The following LPP variants were observed in gnomAD, a reference collection of about 807,000 sequenced individuals.
LPP encodes LIM domain containing preferred translocation partner in lipoma, also known as lipoma-preferred partner.
A neutral mutation model predicts 60.4 loss-of-function variants in LPP; 38 were observed. The observed-to-expected ratio is 0.63, with a 90% confidence interval of 0.49 to 0.83. The LOEUF is 0.83. Among genes scored for constraint, LPP ranks in the 40% least tolerant of loss-of-function variants. The pLI is 0.00. For synonymous variants in LPP, 328 were observed against 290.8 expected (o/e 1.13, Z -1.30); for missense variants, 902 against 783.6 (o/e 1.15, Z -1.80).
chr3:188,240,777 A>G lies in LPP; in HGVS notation c.-67+15250A>G, dbSNP rs1724269809. Among the ~76,000 whole-genome samples, 3 of 152,248 alleles carry G rather than the reference A, an allele frequency of 2.0e-5. No individual in the cohort carries two copies. In the East Asian group the frequency reaches 5.8e-4, roughly 30 times the overall value. ...CATGGCAAGGGAGGGGCGAGCTCCA[A>G]ATGCAGGGCTGCTCTGTCCTCGGCG... On this transcript the variant is annotated intron_variant, in intron 2 of 11. Coordinates refer to ENST00000617246, the MANE Select transcript of LPP (RefSeq NM_001375462.1).
chr3:188,426,927 A>G (rs1424899544), intron 4 of LPP, among the ~76,000 whole-genome samples: 1 of 152,144 alleles, frequency 6.6e-6, no homozygotes, highest in Non-Finnish European at 1.5e-5. Flanking sequence ...TGTGTCTTTT[A>G]ACTGGGGCCT....
At chr3:188,630,408 C>G (rs1251711384) in intron 7 of LPP, among the ~76,000 whole-genome samples, 1 of 152,148 alleles carries the variant, frequency 6.6e-6, no homozygotes, top group African/African-American at 2.4e-5. Context: ...ATCAAAAACA[C>G]AATGAGATTC....
chr3:188,344,795 C>T (rs756201934), intron 3 of LPP, among the ~76,000 whole-genome samples: 2 of 152,214 alleles, frequency 1.3e-5, no homozygotes, highest in Non-Finnish European at 2.9e-5. Flanking sequence ...CTTACCCCAG[C>T]AACTTGCAAT....
intron 2 of LPP, among the ~76,000 whole-genome samples, chr3:188,308,688 A>C (rs779181295): frequency 5.9e-5 from 9 of 152,198 alleles, no homozygotes; most frequent in Non-Finnish European, 1.0e-4. Context: ...TGAGAGAAAC[A>C]AACAAAATCC....
At chr3:188,220,958 C>A (rs369038706) in intron 1 of LPP, among the ~76,000 whole-genome samples, 1 of 152,160 alleles carries the variant, frequency 6.6e-6, no homozygotes, top group Non-Finnish European at 1.5e-5. Flanking sequence ...GAAAGGGATT[C>A]ATTTCTTAAA....
At chr3:188,240,681 G>C (rs1376712507) in intron 2 of LPP, among the ~76,000 whole-genome samples, 3 of 144,394 alleles carry the variant, frequency 2.1e-5, no homozygotes, top group Non-Finnish European at 4.4e-5. Context: ...AACTAGTAAG[G>C]CTGCTCAGGT....
chr3:188,364,266 A>T (rs1339011075), intron 3 of LPP, among the ~76,000 whole-genome samples: 1 of 152,192 alleles, frequency 6.6e-6, no homozygotes, highest in African/African-American at 2.4e-5. Context: ...ATCTAGTTTC[A>T]TACCTGACAC....
At chr3:188,840,179 C>T (rs1361222578) in intron 9 of LPP, among the ~76,000 whole-genome samples, 2 of 152,074 alleles carry the variant, frequency 1.3e-5, no homozygotes, top group Admixed American at 6.5e-5. Context: ...CGATTTCTTT[C>T]TTTCTTTTTC....
intron 9 of LPP, among the ~76,000 whole-genome samples, chr3:188,810,563 A>C (rs1271513072): frequency 2.0e-5 from 3 of 152,166 alleles, no homozygotes; most frequent in Non-Finnish European, 1.5e-5. Context: ...TATTGCTATT[A>C]ATCTTTTTTG....
At chr3:188,269,716 T>C (rs1360513393) in intron 2 of LPP, among the ~76,000 whole-genome samples, 1 of 150,994 alleles carries the variant, frequency 6.6e-6, no homozygotes, top group Non-Finnish European at 1.5e-5. Flanking sequence ...AGTGGTGCGA[T>C]CTCGGCTCAC....
intron 7 of LPP, among the ~76,000 whole-genome samples, chr3:188,636,478 G>A (rs1220848118): frequency 6.6e-6 from 1 of 152,170 alleles, no homozygotes; most frequent in Admixed American, 6.5e-5. Flanking sequence ...AAGACTGGGG[G>A]AGGGGCGCCC....
At chr3:188,752,372 T>G (rs552702201) in intron 8 of LPP, among the ~76,000 whole-genome samples, 1 of 152,140 alleles carries the variant, frequency 6.6e-6, no homozygotes, top group South Asian at 2.1e-4. Context: ...CTCAGAAAAT[T>G]TAGGAAACTT....
At chr3:188,372,760 G>C (rs953248143) in intron 3 of LPP, among the ~76,000 whole-genome samples, 3 of 151,308 alleles carry the variant, frequency 2.0e-5, no homozygotes, top group African/African-American at 7.3e-5. Flanking sequence ...ACAACGTGCA[G>C]GTTTGTTACA....
At chr3:188,354,445 G>A (rs1340655718) in intron 3 of LPP, among the ~76,000 whole-genome samples, 3 of 152,132 alleles carry the variant, frequency 2.0e-5, no homozygotes, top group Non-Finnish European at 4.4e-5. Flanking sequence ...GTGTCTCTGT[G>A]TGGTGGCTTT....
intron 2 of LPP, among the ~76,000 whole-genome samples, chr3:188,315,077 CA>C (rs113209974): frequency 0.18 from 27,924 of 151,846 alleles, 2,906 homozygotes; most frequent in East Asian, 0.32. Flanking sequence ...AAATTTTTTA[CA>C]TTTTTTTTCT....
At chr3:188,702,615 T>TC (rs1197527490) in intron 7 of LPP, among the ~76,000 whole-genome samples, 1 of 152,164 alleles carries the variant, frequency 6.6e-6, no homozygotes, top group Non-Finnish European at 1.5e-5. Flanking sequence ...TTTGACGGAG[T>TC]CCTCTAAAAT....
chr3:188,300,856 C>T (rs370501492), intron 2 of LPP, among the ~76,000 whole-genome samples: 23 of 152,106 alleles, frequency 1.5e-4, no homozygotes, highest in South Asian at 2.1e-4. Context: ...CTGGATATGA[C>T]GACATAATGA....
At chr3:188,638,155 A>G (rs9799322) in intron 7 of LPP, among the ~76,000 whole-genome samples, 18,622 of 94,196 alleles carry the variant, frequency 0.2, 2,345 homozygotes, top group Middle Eastern at 0.36. Context: ...ACATCAAAAA[A>G]CTTATCCACC....
intron 3 of LPP, among the ~76,000 whole-genome samples, chr3:188,375,262 C>G (rs1160514383): frequency 1.3e-5 from 2 of 152,060 alleles, no homozygotes; most frequent in East Asian, 1.9e-4. Context: ...CTGTTGATTG[C>G]AATAGTTTCA....
Sources: gnomAD v4.1 joint callset for allele counts (sites outside exome capture counted in the v4.1 genomes callset) on GRCh38, gnomAD v4.1.1 for gene constraint, MANE v1.5 for transcripts, NCBI Gene and HGNC (gene_info 2026-07-23, HGNC 2026-07-21) for gene names.